Variants in PLXND1 observed in about 807,000 individuals in gnomAD.
The protein encoded by PLXND1 is plexin-D1.
PLXND1 carries 54 observed loss-of-function variants against 197.7 expected under a neutral mutation model. The ratio of observed to expected loss-of-function variants is 0.27; its 90% CI spans 0.22 to 0.34. PLXND1 has a LOEUF of 0.34. Ranked by LOEUF, PLXND1 falls within the 10% of genes least tolerant of loss-of-function variation. The pLI is 1.00. For synonymous variants in PLXND1, 1,180 were observed against 1,161.2 expected, an observed-to-expected ratio of 1.02 and a Z score of -0.33; for missense variants, 2,127 against 2,699.2, an observed-to-expected ratio of 0.79 and a Z score of 4.70.
Position 129,572,929 on chromosome 3 carries a change from GACAC to G in PLXND1, c.2846_2849del (p.Cys949SerfsTer13), listed in dbSNP as rs1364459583. On this transcript the variant is annotated frameshift_variant, in exon 14 of 36. Coordinates refer to ENST00000324093, the MANE Select transcript of PLXND1 (RefSeq NM_015103.3). LOFTEE classifies it high-confidence loss of function. ...AGAGTGGTCCTGGGGCTGGCCCTGTGACACACACGATCCTGAGGGGAGGTGCTGT... is the reference window on the plus strand; with the variant it reads ...AGAGTGGTCCTGGGGCTGGCCCTGTGACACGATCCTGAGGGGAGGTGCTGT... The G allele has an allele frequency of 6.8e-6, 11 of 1,612,838 alleles. No individual in the cohort carries two copies. Among genetic ancestry groups the G allele is most frequent in the Non-Finnish European group, 9.3e-6 (11 of 1,179,336 alleles).
chr3:129,577,700 G>A lies in PLXND1; in HGVS notation c.2346+629C>T, dbSNP rs957966910. ...CCCACCCAGGACGCGCCTCCAGGAG[G>A]GGTCCAGAAAGGAGCTGCGTCCCCA... On this transcript the variant is annotated intron_variant, in intron 9 of 35. Coordinates refer to ENST00000324093, the MANE Select transcript of PLXND1 (RefSeq NM_015103.3). The surrounding 1 kb of genome is among the most constrained non-coding windows in gnomAD (Gnocchi z 5.0). 1.3e-5 allele frequency among the ~76,000 whole-genome samples: 2 copies of A among 152,330 alleles called. No homozygotes were observed. The highest frequency in any genetic ancestry group is 1.5e-5 in the Non-Finnish European group (1 of 68,026).
chr3:129,557,866 T>C lies in PLXND1; in HGVS notation c.5445+562A>G, dbSNP rs1040425406. On this transcript the variant is annotated intron_variant, in intron 33 of 35. Coordinates refer to ENST00000324093, the MANE Select transcript of PLXND1 (RefSeq NM_015103.3). The surrounding 1 kb of genome is among the most constrained non-coding windows in gnomAD (Gnocchi z 4.8). ...ATCCCTGCTCACAGCAACCGGCTGC[T>C]TTCCTGCCTCCCTGTCTTTGCCTGC... 6.6e-6 allele frequency among the ~76,000 whole-genome samples: 1 copy of C among 152,234 alleles called. No homozygotes were observed. Among genetic ancestry groups the C allele is most frequent in the Non-Finnish European group, 1.5e-5 (1 of 68,042 alleles).
At chr3:129,582,730 G>A (rs2085403172) in intron 8 of PLXND1, among the ~76,000 whole-genome samples, 1 of 152,240 alleles carries the variant, frequency 6.6e-6, no homozygotes, top group Non-Finnish European at 1.5e-5. Context: ...AAACCAACCA[G>A]GGGCGAGGTA....
intron 1 of PLXND1, among the ~76,000 whole-genome samples, chr3:129,599,048 G>T (rs1055480682): frequency 1.3e-5 from 2 of 152,208 alleles, no homozygotes; most frequent in Admixed American, 6.5e-5. Flanking sequence ...GCCACTCCAT[G>T]GGCCAACTCC....
Position 129,606,147 on chromosome 3 carries a change from G to A in PLXND1, c.493C>T (p.Pro165Ser). The change falls in exon 1 of 36, where the codon CCC (proline) becomes TCC (serine). Residue 165 changes from proline to serine, a missense_variant. Physicochemically the swap from Pro to Ser is moderately conservative, Grantham distance 74. Around this residue, in one of 6 missense-constraint regions of PLXND1, gnomAD observed 245 missense variants for 267.1 expected, o/e 0.92. Transcript: ENST00000324093. ...ACGGGCTCGGCGGGCGGCGCGGCGG[G>A]CGGGAAGCGCACGGCCACGGCCGAG... ...NISAVAVRFPPAAPPAEPVTV... is the reference protein window; with the variant it reads ...NISAVAVRFPSAAPPAEPVTV... The A allele has an allele frequency of 5.9e-6, 9 of 1,513,276 alleles. No individual in the cohort carries two copies. Among genetic ancestry groups the A allele is most frequent in the Non-Finnish European group, 7.9e-6 (9 of 1,137,770 alleles). 93.7% of individuals were successfully genotyped at this position (1,513,276 alleles called of 1,614,324 possible). A position where few individuals can be genotyped will look rare whatever the true frequency, so the allele number is the denominator to read the frequency against.
chr3:129,583,749 G>C, intron 7 of PLXND1, 80 bp from the exon 8 acceptor site: 1 of 887,352 alleles, frequency 1.1e-6, no homozygotes, highest in South Asian at 1.4e-5. Context: ...AACCCAAAAG[G>C]CAGATCCCAG....
rs760200531 is a variant in PLXND1 at position 129,605,796 on chromosome 3, C to T, written c.844G>A (p.Ala282Thr). Residue 282 changes from alanine to threonine, a missense_variant, in exon 1 of 36, where the codon GCC (alanine) becomes ACC (threonine). Physicochemically the swap from Ala to Thr is moderately conservative, Grantham distance 58. This residue lies in a region of PLXND1 where 1,095 missense variants were observed against 1,259.8 expected (regional missense o/e 0.87). Coordinates refer to ENST00000324093, the MANE Select transcript of PLXND1 (RefSeq NM_015103.3). The part of the protein sequence containing the change: ...KEQHKLGFVS[A>T]FLHPSDPPPG... ...GGCGGGTCGGACGGGTGCAGGAAGG[C>T]GCTCACGAAGCCCAGCTTGTGCTGC... The T allele has an allele frequency of 1.3e-6, 2 of 1,597,382 alleles. No individual in the cohort carries two copies. The highest frequency in any genetic ancestry group is 2.7e-5 in the African/African-American group (2 of 74,624).
chr3:129,579,266 G>A (rs538778973), intron 8 of PLXND1, among the ~76,000 whole-genome samples: 2 of 152,274 alleles, frequency 1.3e-5, no homozygotes, highest in Non-Finnish European at 2.9e-5. Context: ...GGAGGACAGG[G>A]CTGGCCCCTG....
chr3:129,589,584 C>T (rs1447447381), intron 1 of PLXND1, 57 bp from the exon 2 acceptor site: 9 of 1,431,310 alleles, frequency 6.3e-6, no homozygotes, highest in Admixed American at 5.0e-5. Flanking sequence ...GGCTCCCCGC[C>T]CGCACAGCTG....
chr3:129,590,952 T>C (rs1478303031), intron 1 of PLXND1, among the ~76,000 whole-genome samples: 2 of 152,272 alleles, frequency 1.3e-5, no homozygotes, highest in Non-Finnish European at 2.9e-5. Context: ...ATTTTTCTTT[T>C]TAAATTTCTT....
intron 9 of PLXND1, among the ~76,000 whole-genome samples, chr3:129,576,829 T>G (rs546730720): frequency 6.6e-6 from 1 of 152,262 alleles, no homozygotes; most frequent in Admixed American, 6.5e-5. Context: ...GCAGGAGGTA[T>G]CCAATAATGT....
At chr3:129,596,445 C>T (rs531650093) in intron 1 of PLXND1, among the ~76,000 whole-genome samples, 6 of 152,156 alleles carry the variant, frequency 3.9e-5, no homozygotes, top group East Asian at 1.9e-4. Context: ...CATTCCGGCC[C>T]GGCCTGGCCC....
At chr3:129,588,364 G>C (rs1015561516) in intron 2 of PLXND1, among the ~76,000 whole-genome samples, 1 of 152,158 alleles carries the variant, frequency 6.6e-6, no homozygotes, top group Non-Finnish European at 1.5e-5. Flanking sequence ...TGTCGGGGGT[G>C]GGGGAGGGGC....
intron 19 of PLXND1, chr3:129,570,538 C>A: frequency 1.8e-6 from 1 of 555,072 alleles, no homozygotes; most frequent in East Asian, 3.1e-5. Context: ...GGGACAGGGA[C>A]AATTTCTTAT....
intron 1 of PLXND1, among the ~76,000 whole-genome samples, chr3:129,590,342 C>A (rs918350935): frequency 1.4e-4 from 21 of 152,144 alleles, no homozygotes; most frequent in Admixed American, 1.4e-3. Context: ...TCCCTCCCTT[C>A]TCCTGGGTCT....
rs543425940 is a variant in PLXND1 at position 129,562,719 on chromosome 3, C to T, written c.4825+68G>A. 7.6e-6 allele frequency: 11 copies of T among 1,445,170 alleles called. No individual in the cohort carries two copies. The African/African-American group carries it at 1.4e-4, about 18-fold the overall frequency. 89.5% of individuals were successfully genotyped at this position (1,445,170 alleles called of 1,614,324 possible). On this transcript the variant is annotated intron_variant, in intron 27 of 35. Coordinates refer to ENST00000324093, the MANE Select transcript of PLXND1 (RefSeq NM_015103.3). ...CCATGCCAGGTGAAAGGAGTGTTTCCCGTCAAGGCAGGGGCCAGCCCCGGC... is the reference window on the plus strand; with the variant it reads ...CCATGCCAGGTGAAAGGAGTGTTTCTCGTCAAGGCAGGGGCCAGCCCCGGC...
intron 2 of PLXND1, 41 bp downstream of exon 2, chr3:129,589,310 T>TGGCCCCCCCCCCCCCCCCCCCCCACCCCC: frequency 2.0e-6 from 1 of 501,294 alleles, no homozygotes; most frequent in Non-Finnish European, 3.8e-6. Context: ...CAGGGGAGCC[T>TGGCCCCCCCCCCCCCCCCCCCCCACCCCC]CCCACCCCCA....
chr3:129,569,703 C>T (rs1039736061), intron 20 of PLXND1, 140 bp downstream of exon 20: 6 of 635,832 alleles, frequency 9.4e-6, no homozygotes, highest in Admixed American at 9.0e-5. Flanking sequence ...CTCTGGGTGC[C>T]TAACCTGTTC....
rs2084971045 is a variant in PLXND1, at chr3:129,556,217, C to CCAGTCTGAGTCA, written c.*83_*94dup. ...CCCAGCCGTCTCTGCTCAGTATTTCCCAGTCTGAGTCACAGGCACGGGGTA... is the reference window on the plus strand; with the variant it reads ...CCCAGCCGTCTCTGCTCAGTATTTCCCAGTCTGAGTCACAGTCTGAGTCACAGGCACGGGGTA... On this transcript the variant is annotated 3_prime_UTR_variant, in exon 36 of 36. Transcript: ENST00000324093. 3 of 877,226 alleles carry CCAGTCTGAGTCA rather than the reference C, an allele frequency of 3.4e-6. No individual in the cohort carries two copies. In the Admixed American group the frequency reaches 5.3e-5, roughly 16 times the overall value. 54.3% of individuals were successfully genotyped at this position (877,226 alleles called of 1,614,324 possible). A position where few individuals can be genotyped will look rare whatever the true frequency, so the allele number is the denominator to read the frequency against.
Sources: gnomAD v4.1 joint callset for allele counts (sites outside exome capture counted in the v4.1 genomes callset) on GRCh38, gnomAD v4.1.1 for gene constraint, gnomAD v4.1.1 regional missense constraint, Gnocchi (gnomAD v3.1) non-coding constraint, MANE v1.5 for transcripts, NCBI Gene and HGNC (gene_info 2026-07-23, HGNC 2026-07-21) for gene names.